Variants in SLC35F4 observed in about 807,000 individuals in gnomAD.
SLC35F4 encodes the protein chromosome 14 open reading frame 36.
In SLC35F4, 24 loss-of-function variants were observed where a neutral mutation model predicts 44.2. The observed-to-expected ratio is 0.54, with a 90% CI of 0.39 to 0.76. The LOEUF is 0.76. SLC35F4 is among the 30% of genes least tolerant of loss of function. The pLI is 0.00. For missense variants in SLC35F4, 562 were observed against 586.1 expected, an observed-to-expected ratio of 0.96 and a Z score of 0.42; for synonymous variants, 238 against 223.6, an observed-to-expected ratio of 1.06 and a Z score of -0.57.
intron 1 of SLC35F4, among the ~76,000 whole-genome samples, chr14:57,686,934 A>T (rs2075084579): frequency 6.6e-6 from 1 of 150,640 alleles, no homozygotes; most frequent in Admixed American, 6.6e-5. Flanking sequence ...GTATTTAGAG[A>T]TAAGGTCTTT....
chr14:57,589,162 A>G, intron 3 of SLC35F4, 54 bp downstream of exon 3: 1 of 1,520,146 alleles, frequency 6.6e-7, no homozygotes. Context: ...AAATAGGCAT[A>G]TTTTCATAAA....
At chr14:57,891,891 TTCTTTCTTAAGAG>T (rs59171493) in intron 1 of SLC35F4, among the ~76,000 whole-genome samples, 5,499 of 152,178 alleles carry the variant, frequency 0.036, 284 homozygotes, top group African/African-American at 0.11. Context: ...ACAAAAAAGA[TTCTTTCTTAAGAG>T]TCTTTCTTAA....
At chr14:57,693,417 G>C (rs2075289958) in intron 1 of SLC35F4, among the ~76,000 whole-genome samples, 1 of 151,106 alleles carries the variant, frequency 6.6e-6, no homozygotes, top group South Asian at 2.1e-4. Flanking sequence ...ACCGGAATGA[G>C]GGCAGGAACA....
chr14:57,666,694 C>CA (rs1230505571), intron 1 of SLC35F4, among the ~76,000 whole-genome samples: 1 of 140,762 alleles, frequency 7.1e-6, no homozygotes, highest in African/African-American at 2.6e-5. Flanking sequence ...GCATGATGGC[C>CA]AAAAAAAAGG....
chr14:57,580,210 C>G (rs761988310), intron 4 of SLC35F4, among the ~76,000 whole-genome samples: 2 of 152,148 alleles, frequency 1.3e-5, no homozygotes, highest in Non-Finnish European at 2.9e-5. Flanking sequence ...GTCTAACTAA[C>G]TGTTTTCTTA....
At chr14:57,850,337 A>G (rs1886444251) in intron 1 of SLC35F4, among the ~76,000 whole-genome samples, 1 of 152,198 alleles carries the variant, frequency 6.6e-6, no homozygotes, top group South Asian at 2.1e-4. Context: ...ATCCTACAAG[A>G]AACCTATTCT....
rs1428535875 is a variant in SLC35F4, at chr14:57,770,831, ATAG to A, written c.103+94889_103+94891del. Reference sequence around the variant, plus strand: ...ATTATCGTGTAAGTTACAGTATAGGATAGTACAATCTTGGCTTTGCATTTAAAA... The same window carrying A: ...ATTATCGTGTAAGTTACAGTATAGGATACAATCTTGGCTTTGCATTTAAAA... On this transcript the variant is annotated intron_variant, in intron 1 of 7. Transcript: ENST00000556826. Among the ~76,000 whole-genome samples the A allele has an allele frequency of 2.0e-5, 3 of 152,304 alleles. No homozygotes were observed. In the East Asian group the frequency reaches 5.8e-4, roughly 29 times the overall value.
At chr14:57,864,126 T>C (rs1367073077) in intron 1 of SLC35F4, among the ~76,000 whole-genome samples, 1 of 152,246 alleles carries the variant, frequency 6.6e-6, no homozygotes, top group Non-Finnish European at 1.5e-5. Flanking sequence ...CTGAGTCTTG[T>C]AATTTCACAC....
At position 57,744,057 on chromosome 14, in the gene SLC35F4, G is replaced by A. The variant is rs543895752; in HGVS notation, c.103+121666C>T. Among the ~76,000 whole-genome samples the A allele has an allele frequency of 3.9e-5, 6 of 152,244 alleles. 1 individual carries two copies. In the South Asian group the frequency reaches 1.0e-3, roughly 26 times the overall value. On this transcript the variant is annotated intron_variant, in intron 1 of 7. Transcript: ENST00000556826. ...CATGCTAAAAACTCTCAATAAATTA[G>A]GTATTGATGGGACGTATCTCAAAAT... is the stretch of plus-strand genomic sequence containing the variant.
chr14:57,671,258 C>G (rs894381002), intron 1 of SLC35F4, among the ~76,000 whole-genome samples: 2 of 152,052 alleles, frequency 1.3e-5, no homozygotes, highest in Non-Finnish European at 2.9e-5. Context: ...CGGTGGGGAG[C>G]TGGGGCAGCT....
At chr14:57,964,314 T>C (rs959417032) in intron 1 of SLC35F4, among the ~76,000 whole-genome samples, 1 of 151,976 alleles carries the variant, frequency 6.6e-6, no homozygotes, top group Non-Finnish European at 1.5e-5. Context: ...AGTATCAGAA[T>C]AGGAGGAAGA....
rs577096443 is a variant in SLC35F4, at chr14:57,913,005, T to C, written n.282+68908A>G. ...TCTTTTTTGAGTATTGACCCATTTATCATTATGTAATGCCCCTCTTTATCC... is the reference window on the plus strand; with the variant it reads ...TCTTTTTTGAGTATTGACCCATTTACCATTATGTAATGCCCCTCTTTATCC... On this transcript the variant is annotated intron_variant and non_coding_transcript_variant, in intron 1 of 1. Coordinates refer to the SLC35F4 transcript ENST00000556568. Among the ~76,000 whole-genome samples, 3 of 152,234 alleles carry C rather than the reference T, an allele frequency of 2.0e-5. No homozygotes were observed. The South Asian group carries it at 6.2e-4, about 32-fold the overall frequency.
intron 3 of SLC35F4, among the ~76,000 whole-genome samples, chr14:57,586,711 C>CTTTTTTTTTTTTTTTTTTTTTTTTTTT (rs1374517069): frequency 1.7e-5 from 1 of 60,352 alleles, no homozygotes; most frequent in Non-Finnish European, 2.8e-5. Context: ...GAGCGAGACT[C>CTTTTTTTTTTTTTTTTTTTTTTTTTTT]TGTCTCAAAA....
chr14:57,979,675 T>G (rs10134380), intron 1 of SLC35F4, among the ~76,000 whole-genome samples: 2,669 of 152,340 alleles, frequency 0.018, 77 homozygotes, highest in African/African-American at 0.058. Context: ...TTCTTCCTTT[T>G]GACCCTGGAA....
At chr14:57,720,339 G>A (rs934760594) in intron 1 of SLC35F4, among the ~76,000 whole-genome samples, 1 of 151,972 alleles carries the variant, frequency 6.6e-6, no homozygotes, top group Admixed American at 6.5e-5. Flanking sequence ...GGGTACTACT[G>A]GCCTCATAGA....
At chr14:57,927,542 G>C (rs1411633849) in intron 1 of SLC35F4, among the ~76,000 whole-genome samples, 1 of 150,752 alleles carries the variant, frequency 6.6e-6, no homozygotes, top group African/African-American at 2.4e-5. Flanking sequence ...CCAGGCTGGA[G>C]TGCAGTGTCA....
chr14:57,959,454 T>G (rs1481959638), intron 1 of SLC35F4, among the ~76,000 whole-genome samples: 1 of 152,122 alleles, frequency 6.6e-6, no homozygotes, highest in Non-Finnish European at 1.5e-5. Context: ...GGAAGATGGA[T>G]TTAGCCCCGG....
intron 1 of SLC35F4, among the ~76,000 whole-genome samples, chr14:57,668,543 G>A (rs1356034935): frequency 1.3e-5 from 2 of 152,126 alleles, no homozygotes; most frequent in African/African-American, 4.8e-5. Flanking sequence ...TCAACTTTCT[G>A]CATATGGCTA....
intron 1 of SLC35F4, among the ~76,000 whole-genome samples, chr14:57,888,674 A>C (rs971497255): frequency 1.3e-5 from 2 of 152,232 alleles, no homozygotes; most frequent in African/African-American, 4.8e-5. Context: ...CATGATACAG[A>C]AGTTAAACGA....
Sources: allele counts gnomAD v4.1 joint callset (sites outside exome capture counted in the v4.1 genomes callset), GRCh38; gene constraint gnomAD v4.1.1; transcripts MANE v1.5; gene names NCBI Gene and HGNC (gene_info 2026-07-23, HGNC 2026-07-21).